The following MTUS2 variants were observed in gnomAD, a reference collection of about 807,000 sequenced individuals.
The protein encoded by MTUS2 is microtubule-associated tumor suppressor candidate 2.
MTUS2 carries 40 observed loss-of-function variants against 114.1 expected under a neutral mutation model. The observed-to-expected ratio is 0.35, with a 90% CI of 0.27 to 0.46. MTUS2 has a LOEUF of 0.46. Ranked by LOEUF, MTUS2 falls within the 20% of genes least tolerant of loss-of-function variation. The pLI, the probability that MTUS2 is intolerant of heterozygous loss-of-function variation, is 1.00. For missense variants in MTUS2, 1,679 were observed against 1,705.4 expected (o/e 0.98, Z 0.27); for synonymous variants, 688 against 672.0 (o/e 1.02, Z -0.37).
intron 2 of MTUS2, among the ~76,000 whole-genome samples, chr13:28,962,421 C>G (rs891114976): frequency 3.3e-5 from 5 of 152,076 alleles, no homozygotes; most frequent in Non-Finnish European, 5.9e-5. Context: ...TATAAGTTTA[C>G]TGGTATATTG....
At chr13:28,897,323 G>A (rs563106025) in intron 2 of MTUS2, among the ~76,000 whole-genome samples, 320 of 152,290 alleles carry the variant, frequency 2.1e-3, no homozygotes, top group African/African-American at 6.4e-3. Flanking sequence ...GGCCATCAGA[G>A]AAATGCAAAT....
At chr13:29,221,090 A>G (rs981426772) in intron 5 of MTUS2, among the ~76,000 whole-genome samples, 1 of 151,948 alleles carries the variant, frequency 6.6e-6, no homozygotes, top group African/African-American at 2.4e-5. Context: ...TTAAGCCCTA[A>G]TGCCCCATGT....
intron 5 of MTUS2, among the ~76,000 whole-genome samples, chr13:29,129,939 C>T (rs1373349533): frequency 6.6e-6 from 1 of 152,058 alleles, no homozygotes; most frequent in Non-Finnish European, 1.5e-5. Flanking sequence ...AGGTGAAACC[C>T]CAAGACCTTT....
At chr13:29,062,571 A>G (rs1888471491) in intron 4 of MTUS2, among the ~76,000 whole-genome samples, 1 of 152,176 alleles carries the variant, frequency 6.6e-6, no homozygotes, top group South Asian at 2.1e-4. Context: ...TCTGAAACCT[A>G]AGACCTGGTT....
At chr13:28,976,582 G>C (rs1024353671) in intron 2 of MTUS2, among the ~76,000 whole-genome samples, 3 of 152,198 alleles carry the variant, frequency 2.0e-5, no homozygotes, top group Non-Finnish European at 4.4e-5. Flanking sequence ...AGTCCAGGGA[G>C]GGATGAGGAG....
At chr13:28,979,736 C>CT (rs1884274015) in intron 2 of MTUS2, among the ~76,000 whole-genome samples, 1 of 152,128 alleles carries the variant, frequency 6.6e-6, no homozygotes, top group Non-Finnish European at 1.5e-5. Flanking sequence ...TGATGAGAGT[C>CT]TGAGTTTAGT....
intron 4 of MTUS2, among the ~76,000 whole-genome samples, chr13:29,097,781 A>C (rs192142148): frequency 2.6e-4 from 40 of 152,222 alleles, no homozygotes; most frequent in Non-Finnish European, 1.5e-5. Context: ...CAAGGGCTCC[A>C]TTCTTATAAC....
At chr13:29,432,051 CTA>C (rs1253673994) in intron 8 of MTUS2, among the ~76,000 whole-genome samples, 3 of 142,814 alleles carry the variant, frequency 2.1e-5, no homozygotes, top group Non-Finnish European at 4.5e-5. Context: ...TGGGGTCTCG[CTA>C]TATTGCCCAA....
chr13:29,101,058 A>G (rs760785924), intron 5 of MTUS2, 88 bp downstream of exon 5: 12 of 1,339,166 alleles, frequency 9.0e-6, no homozygotes, highest in African/African-American at 1.5e-5. Context: ...TTGCATGATT[A>G]TTTAAGAATT....
intron 2 of MTUS2, among the ~76,000 whole-genome samples, chr13:29,010,141 G>A (rs574377142): frequency 1.1e-3 from 170 of 151,320 alleles, no homozygotes; most frequent in African/African-American, 4.0e-3. Context: ...AACCCAGGAG[G>A]TGGAAGTTGC....
At chr13:29,454,668 T>C (rs1347559825) in intron 9 of MTUS2, among the ~76,000 whole-genome samples, 1 of 152,194 alleles carries the variant, frequency 6.6e-6, no homozygotes, top group Non-Finnish European at 1.5e-5. Flanking sequence ...TGATCAATTT[T>C]AGAAAGCCAA....
intron 9 of MTUS2, among the ~76,000 whole-genome samples, chr13:29,444,303 C>A (rs945072176): frequency 6.6e-6 from 1 of 152,172 alleles, no homozygotes; most frequent in African/African-American, 2.4e-5. Flanking sequence ...GTGGTGGGTG[C>A]CTGTAATCCC....
At chr13:28,924,672 G>A (rs1192777037) in intron 2 of MTUS2, among the ~76,000 whole-genome samples, 1 of 152,210 alleles carries the variant, frequency 6.6e-6, no homozygotes, top group East Asian at 1.9e-4. Context: ...ACTGTGGTCA[G>A]CGCTTGTCCC....
chr13:28,982,019 T>G (rs1163084184), intron 2 of MTUS2, among the ~76,000 whole-genome samples: 2 of 152,180 alleles, frequency 1.3e-5, no homozygotes, highest in Non-Finnish European at 2.9e-5. Context: ...GGGAAAGGAT[T>G]CTTACATGGT....
chr13:29,010,840 CAG>C (rs1230526487), intron 2 of MTUS2, among the ~76,000 whole-genome samples: 2 of 152,030 alleles, frequency 1.3e-5, no homozygotes, highest in African/African-American at 2.4e-5. Flanking sequence ...GAAGGGGAGT[CAG>C]TGTATAGCTA....
intron 8 of MTUS2, among the ~76,000 whole-genome samples, chr13:29,394,090 G>A (rs1024972968): frequency 6.6e-6 from 1 of 151,940 alleles, no homozygotes; most frequent in Non-Finnish European, 1.5e-5. Context: ...ATATGATTTT[G>A]TCCACAGGGT....
intron 5 of MTUS2, among the ~76,000 whole-genome samples, chr13:29,268,504 C>T (rs1011941245): frequency 6.6e-6 from 1 of 152,080 alleles, no homozygotes; most frequent in Non-Finnish European, 1.5e-5. Flanking sequence ...CTGCTTTCTC[C>T]TCCTCCTGTC....
intron 7 of MTUS2, among the ~76,000 whole-genome samples, chr13:29,338,451 G>A (rs933322220): frequency 7.9e-5 from 12 of 152,098 alleles, no homozygotes; most frequent in Non-Finnish European, 1.2e-4. Context: ...TTAGCTGGGC[G>A]TGGCGGCGTG....
intron 5 of MTUS2, among the ~76,000 whole-genome samples, chr13:29,266,021 G>A (rs374330774): frequency 1.1e-4 from 16 of 152,266 alleles, no homozygotes; most frequent in South Asian, 1.0e-3. Flanking sequence ...CCAGACCACT[G>A]AGAGTGATCA....
Sources: allele counts gnomAD v4.1 joint callset (sites outside exome capture counted in the v4.1 genomes callset), GRCh38; gene constraint gnomAD v4.1.1; transcripts MANE v1.5; gene names NCBI Gene and HGNC (gene_info 2026-07-23, HGNC 2026-07-21).